The following NRXN1 variants were observed in gnomAD, a reference collection of about 807,000 sequenced individuals.
NRXN1 encodes neurexin-1.
In NRXN1, 39 loss-of-function variants were observed where a neutral mutation model predicts 150.9. The ratio of observed to expected loss-of-function variants is 0.26; its 90% CI spans 0.20 to 0.34. The LOEUF (loss-of-function observed/expected upper bound fraction) is 0.34. Ranked by LOEUF, NRXN1 falls within the 10% of genes least tolerant of loss-of-function variation. The pLI is 1.00. For missense variants in NRXN1, 1,815 were observed against 1,949.9 expected (o/e 0.93, Z 1.30); for synonymous variants, 924 against 757.0 (o/e 1.22, Z -3.62).
At chr2:50,753,744 G>C (rs1700866930) in intron 5 of NRXN1, among the ~76,000 whole-genome samples, 1 of 151,830 alleles carries the variant, frequency 6.6e-6, no homozygotes, top group African/African-American at 2.4e-5. Context: ...TGAGTGATTA[G>C]ATAGGGGAAT....
intron 18 of NRXN1, among the ~76,000 whole-genome samples, chr2:50,123,804 G>C (rs1355814143): frequency 6.6e-6 from 1 of 152,126 alleles, no homozygotes; most frequent in Non-Finnish European, 1.5e-5. Context: ...TTTTGGAAAA[G>C]GCAACAGGCA....
intron 18 of NRXN1, among the ~76,000 whole-genome samples, chr2:50,229,799 G>A (rs974902971): frequency 6.6e-6 from 1 of 152,002 alleles, no homozygotes; most frequent in Non-Finnish European, 1.5e-5. Flanking sequence ...TGCCTAAAAT[G>A]TTTCTTAAAG....
At chr2:50,703,944 A>G (rs1330794909) in intron 5 of NRXN1, among the ~76,000 whole-genome samples, 2 of 152,148 alleles carry the variant, frequency 1.3e-5, no homozygotes, top group Non-Finnish European at 2.9e-5. Context: ...AGTTTACTGT[A>G]GAATAAAATA....
rs977735426 is a variant in NRXN1, at chr2:50,535,809, C to T, written c.2143+2444G>A. ...GGCATGATAAACATCTCCTATAATG[C>T]AATTGCAACATAATTTTTCCATGTT... On this transcript the variant is annotated intron_variant, in intron 10 of 22. Coordinates refer to ENST00000401669, the MANE Select transcript of NRXN1 (RefSeq NM_001330078.2). 2.6e-5 allele frequency among the ~76,000 whole-genome samples: 4 copies of T among 152,160 alleles called. No homozygotes were observed. The South Asian group carries it at 8.3e-4, about 32-fold the overall frequency.
intron 2 of NRXN1, among the ~76,000 whole-genome samples, chr2:50,958,278 T>C (rs1160197959): frequency 2.0e-5 from 3 of 152,132 alleles, no homozygotes; most frequent in African/African-American, 7.2e-5. Flanking sequence ...ATAAGCTTTC[T>C]GTGTACCCAG....
chr2:50,039,326 C>T (rs991866041), intron 21 of NRXN1, among the ~76,000 whole-genome samples: 1 of 151,990 alleles, frequency 6.6e-6, no homozygotes, highest in African/African-American at 2.4e-5. Context: ...ATCAGCTGGG[C>T]ATGGTGGTGC....
At chr2:50,121,474 T>A (rs1463985901) in intron 18 of NRXN1, among the ~76,000 whole-genome samples, 1 of 152,236 alleles carries the variant, frequency 6.6e-6, no homozygotes. Context: ...GGGTTCCACA[T>A]CTGCCAGAGG....
At chr2:50,751,565 G>C (rs1700597517) in intron 5 of NRXN1, among the ~76,000 whole-genome samples, 1 of 151,878 alleles carries the variant, frequency 6.6e-6, no homozygotes, top group African/African-American at 2.4e-5. Context: ...TGTAACTCTG[G>C]ATTCCACCCC....
At chr2:50,530,458 A>G in intron 11 of NRXN1, among the ~76,000 whole-genome samples, 1 of 152,198 alleles carries the variant, frequency 6.6e-6, no homozygotes, top group Admixed American at 6.5e-5. Flanking sequence ...AAAAATAAAA[A>G]CTGCTTAAAC....
chr2:50,060,393 C>T (rs900190857), intron 19 of NRXN1, among the ~76,000 whole-genome samples: 3 of 152,140 alleles, frequency 2.0e-5, no homozygotes, highest in African/African-American at 7.2e-5. Flanking sequence ...AGGAAGTACC[C>T]ACCTTGCTTT....
chr2:50,671,638 T>C (rs1014972762), intron 5 of NRXN1, among the ~76,000 whole-genome samples: 7 of 151,786 alleles, frequency 4.6e-5, no homozygotes, highest in African/African-American at 1.7e-4. Flanking sequence ...GAAAGCATGC[T>C]GGCCTTGAGG....
intron 2 of NRXN1, among the ~76,000 whole-genome samples, chr2:50,992,070 T>C (rs1698617993): frequency 6.6e-6 from 1 of 151,982 alleles, no homozygotes; most frequent in Admixed American, 6.6e-5. Context: ...CCAGTTTCTG[T>C]CCAATCTGCC....
intron 2 of NRXN1, among the ~76,000 whole-genome samples, chr2:50,971,843 G>A (rs1314444775): frequency 6.6e-6 from 1 of 151,922 alleles, no homozygotes; most frequent in Non-Finnish European, 1.5e-5. Context: ...GCATTTACAG[G>A]ACAATTATTC....
chr2:50,489,941 A>T (rs1425254913), intron 15 of NRXN1, among the ~76,000 whole-genome samples: 1 of 152,048 alleles, frequency 6.6e-6, no homozygotes, highest in East Asian at 1.9e-4. Flanking sequence ...TCCTTAAGGT[A>T]GGATTAAAAC....
chr2:50,954,118 CCTCT>C (rs1691877260), intron 2 of NRXN1, among the ~76,000 whole-genome samples: 1 of 152,104 alleles, frequency 6.6e-6, no homozygotes, highest in Non-Finnish European at 1.5e-5. Flanking sequence ...ATCACTACTT[CCTCT>C]CTCTGAGTAG....
At chr2:50,348,189 G>C (rs181010178) in intron 17 of NRXN1, among the ~76,000 whole-genome samples, 1 of 152,256 alleles carries the variant, frequency 6.6e-6, no homozygotes, top group Admixed American at 6.5e-5. Flanking sequence ...CATCAGTCGC[G>C]ATGATCTGTT....
At position 50,092,666 on chromosome 2, in the gene NRXN1, A is replaced by G. The variant is rs140184739; in HGVS notation, c.3547-1172T>C. 1.0e-3 allele frequency among the ~76,000 whole-genome samples: 159 copies of G among 152,352 alleles called. 1 individual carries two copies. The highest frequency in any genetic ancestry group is 3.4e-3 in the African/African-American group (140 of 41,588). On this transcript the variant is annotated intron_variant, in intron 18 of 22. Transcript: ENST00000401669. ...AACTAGGCAGCAGGAGTATGGAATC[A>G]GCTTACACTAAGAATCCTTACGGAA...
At chr2:50,777,326 C>G (rs1703784994) in intron 5 of NRXN1, among the ~76,000 whole-genome samples, 2 of 151,992 alleles carry the variant, frequency 1.3e-5, no homozygotes, top group Admixed American at 1.3e-4. Flanking sequence ...TTATGGTATA[C>G]AATTTTCTAT....
At chr2:49,971,110 A>G (rs1677879892) in intron 21 of NRXN1, among the ~76,000 whole-genome samples, 1 of 152,126 alleles carries the variant, frequency 6.6e-6, no homozygotes, top group South Asian at 2.1e-4. Flanking sequence ...TAATATAGAC[A>G]AAGGCCTAAA....
Sources: gnomAD v4.1 joint callset for allele counts (sites outside exome capture counted in the v4.1 genomes callset) on GRCh38, gnomAD v4.1.1 for gene constraint, MANE v1.5 for transcripts, NCBI Gene and HGNC (gene_info 2026-07-23, HGNC 2026-07-21) for gene names.